The following ROBO1 variants were observed in gnomAD, a reference collection of about 807,000 sequenced individuals.
The protein encoded by ROBO1 is roundabout guidance receptor 1, also known as roundabout homolog 1.
ROBO1 carries 149 observed loss-of-function variants against 195.9 expected under a neutral mutation model. The observed-to-expected ratio is 0.76, with a 90% CI of 0.67 to 0.87. The LOEUF (loss-of-function observed/expected upper bound fraction) is 0.87. ROBO1 is among the 40% of genes least tolerant of loss of function. ROBO1 has a pLI of 0.00. For missense variants in ROBO1, 1,933 were observed against 2,068.3 expected (o/e 0.93, Z 1.27); for synonymous variants, 816 against 733.2 (o/e 1.11, Z -1.82).
At chr3:79,387,042 T>C (rs1364335131) in intron 2 of ROBO1, among the ~76,000 whole-genome samples, 1 of 152,140 alleles carries the variant, frequency 6.6e-6, no homozygotes, top group East Asian at 1.9e-4. Flanking sequence ...TTTTGAGATG[T>C]AGAAGGGATG....
At chr3:79,423,146 T>C (rs2038300586) in intron 2 of ROBO1, among the ~76,000 whole-genome samples, 1 of 152,112 alleles carries the variant, frequency 6.6e-6, no homozygotes, top group African/African-American at 2.4e-5. Flanking sequence ...GATTCAATTA[T>C]GTAACAAACC....
chr3:79,552,704 T>C (rs919671972), intron 2 of ROBO1, among the ~76,000 whole-genome samples: 36 of 152,238 alleles, frequency 2.4e-4, no homozygotes, highest in Admixed American at 5.9e-4. Context: ...CATTGGCAGA[T>C]AGATGGCAGT....
intron 2 of ROBO1, among the ~76,000 whole-genome samples, chr3:79,308,956 A>C (rs2033352045): frequency 6.6e-6 from 1 of 152,186 alleles, no homozygotes; most frequent in Admixed American, 6.5e-5. Flanking sequence ...ACAATGTTTA[A>C]ATCTGAAGCG....
intron 3 of ROBO1, among the ~76,000 whole-genome samples, chr3:79,109,822 C>T (rs142791706): frequency 2.2e-4 from 34 of 151,998 alleles, no homozygotes; most frequent in African/African-American, 8.0e-4. Context: ...TTTTCATGAC[C>T]TTTGTTTCCT....
chr3:79,395,045 C>A (rs1011085246), intron 2 of ROBO1, among the ~76,000 whole-genome samples: 1 of 151,902 alleles, frequency 6.6e-6, no homozygotes, highest in African/African-American at 2.4e-5. Context: ...TGAGACCGGC[C>A]GGGCGCGGTG....
At chr3:78,824,786 G>A (rs3856695) in intron 4 of ROBO1, among the ~76,000 whole-genome samples, 36,940 of 151,884 alleles carry the variant, frequency 0.24, 4,705 homozygotes, top group East Asian at 0.49. Flanking sequence ...TAACATAATG[G>A]TTGCATGCAC....
At chr3:79,563,850 A>C (rs1943005202) in intron 2 of ROBO1, among the ~76,000 whole-genome samples, 1 of 152,074 alleles carries the variant, frequency 6.6e-6, no homozygotes, top group South Asian at 2.1e-4. Context: ...CATAAACATT[A>C]CTTAAAATAT....
At chr3:79,613,515 T>C (rs1347512142) in intron 1 of ROBO1, among the ~76,000 whole-genome samples, 1 of 151,818 alleles carries the variant, frequency 6.6e-6, no homozygotes, top group East Asian at 1.9e-4. Context: ...AGAGATAAAA[T>C]ATAAAATGGC....
chr3:79,623,135 TCAACAACAACAACAA>T (rs34450942), intron 1 of ROBO1, among the ~76,000 whole-genome samples: 9 of 150,826 alleles, frequency 6.0e-5, no homozygotes, highest in Non-Finnish European at 1.3e-4. Context: ...AACAATGGCA[TCAACAACAACAACAA>T]CAACAACAAC....
intron 5 of ROBO1, among the ~76,000 whole-genome samples, chr3:78,741,622 G>C (rs2082535773): frequency 6.6e-6 from 1 of 151,990 alleles, no homozygotes; most frequent in Non-Finnish European, 1.5e-5. Context: ...CTAAAAAGTA[G>C]TGAAATTTTT....
At chr3:79,121,792 A>C (rs998508362) in intron 3 of ROBO1, among the ~76,000 whole-genome samples, 1 of 151,976 alleles carries the variant, frequency 6.6e-6, no homozygotes, top group Admixed American at 6.6e-5. Context: ...AAATTTACAG[A>C]CTTTTTTTGT....
At chr3:78,792,709 C>T (rs1344466793) in intron 4 of ROBO1, among the ~76,000 whole-genome samples, 1 of 152,128 alleles carries the variant, frequency 6.6e-6, no homozygotes, top group Non-Finnish European at 1.5e-5. Context: ...ATAATGACTG[C>T]TATCTATTGA....
intron 2 of ROBO1, among the ~76,000 whole-genome samples, chr3:79,379,458 T>C (rs1357077409): frequency 6.6e-6 from 1 of 152,164 alleles, no homozygotes; most frequent in Non-Finnish European, 1.5e-5. Flanking sequence ...CTGGTAGGCA[T>C]TATCCCTTCA....
intron 7 of ROBO1, chr3:78,715,332 A>T (rs1436189958): frequency 6.6e-6 from 1 of 152,064 alleles, no homozygotes; most frequent in East Asian, 1.9e-4. Context: ...TTCTTTCACC[A>T]GCTGTCTATA....
At chr3:79,573,228 T>A (rs1386672676) in intron 2 of ROBO1, among the ~76,000 whole-genome samples, 1 of 152,026 alleles carries the variant, frequency 6.6e-6, no homozygotes, top group Non-Finnish European at 1.5e-5. Flanking sequence ...TTTAAATATT[T>A]TGTAGAGATG....
chr3:79,349,120 T>A (rs1034170809), intron 2 of ROBO1, among the ~76,000 whole-genome samples: 2 of 152,146 alleles, frequency 1.3e-5, no homozygotes, highest in African/African-American at 4.8e-5. Context: ...GTAAAATATC[T>A]GTGGTATTTT....
At chr3:79,329,725 G>C (rs552095065) in intron 2 of ROBO1, among the ~76,000 whole-genome samples, 1 of 151,974 alleles carries the variant, frequency 6.6e-6, no homozygotes, top group African/African-American at 2.4e-5. Flanking sequence ...CTTTATTCAG[G>C]AACTATTGTT....
intron 2 of ROBO1, among the ~76,000 whole-genome samples, chr3:79,236,236 C>T (rs75165589): frequency 0.05 from 7,670 of 152,156 alleles, 299 homozygotes; most frequent in African/African-American, 0.11. Flanking sequence ...CTCTGTTTTA[C>T]ACTGCAGCGA....
intron 4 of ROBO1, among the ~76,000 whole-genome samples, chr3:78,774,391 A>C (rs2108445714): frequency 6.6e-6 from 1 of 152,172 alleles, no homozygotes; most frequent in Admixed American, 6.5e-5. Flanking sequence ...GCTCACCGCA[A>C]GCTACGCCTC....
Sources: allele counts gnomAD v4.1 joint callset (sites outside exome capture counted in the v4.1 genomes callset), GRCh38; gene constraint gnomAD v4.1.1; transcripts MANE v1.5; gene names NCBI Gene and HGNC (gene_info 2026-07-23, HGNC 2026-07-21).